RSPO3: variants seen among roughly 807,000 people sequenced by gnomAD.
The protein encoded by RSPO3 is R-spondin 3, also known as R-spondin-3.
Under a neutral mutation model 36.5 loss-of-function variants are expected in RSPO3, and 17 were observed. That is an observed-to-expected ratio of 0.47 (90% confidence interval 0.32 to 0.70). The LOEUF (loss-of-function observed/expected upper bound fraction) is 0.70, where lower values mean the gene tolerates loss of function less well. RSPO3 is among the 30% of genes least tolerant of loss of function. The probability of loss-of-function intolerance (pLI) is 0.04; values close to 1 mark genes in which losing one functional copy is unlikely to be tolerated. For synonymous variants in RSPO3, 108 were observed against 107.0 expected, an observed-to-expected ratio of 1.01 and a Z score of -0.06; for missense variants, 294 against 322.5, an observed-to-expected ratio of 0.91 and a Z score of 0.68.
chr6:127,180,487 C>CAAAAAAAAAAAAA (rs71543112), intron 4 of RSPO3, among the ~76,000 whole-genome samples: 19 of 42,642 alleles, frequency 4.5e-4, no homozygotes, highest in Non-Finnish European at 5.5e-4. Context: ...TGGAAGAAAA[C>CAAAAAAAAAAAAA]AAAAAAAAAA....
chr6:127,140,874 G>C (rs574040677), intron 1 of RSPO3, among the ~76,000 whole-genome samples: 5 of 152,210 alleles, frequency 3.3e-5, no homozygotes, highest in African/African-American at 1.2e-4. Flanking sequence ...TGCTCTACCT[G>C]AAATACTCTT....
intron 1 of RSPO3, among the ~76,000 whole-genome samples, chr6:127,120,501 G>A (rs1773821098): frequency 6.6e-6 from 1 of 152,216 alleles, no homozygotes; most frequent in Non-Finnish European, 1.5e-5. Context: ...TTTCCCAAGG[G>A]GATCCCTCTC....
intron 4 of RSPO3, among the ~76,000 whole-genome samples, chr6:127,188,339 A>G (rs2114264236): frequency 6.6e-6 from 1 of 152,316 alleles, no homozygotes; most frequent in East Asian, 1.9e-4. Flanking sequence ...ACATTCTAAA[A>G]AGTTGTGATT....
chr6:127,144,640 C>CTTGTTTTTTTTTTTTTT (rs1554220615), intron 1 of RSPO3, among the ~76,000 whole-genome samples: 2 of 61,330 alleles, frequency 3.3e-5, no homozygotes, highest in African/African-American at 1.3e-4. Context: ...GTAGCTTCCC[C>CTTGTTTTTTTTTTTTTT]TTGTTTTTTT....
intron 4 of RSPO3, among the ~76,000 whole-genome samples, chr6:127,166,631 T>C (rs184984967): frequency 6.6e-6 from 1 of 152,142 alleles, no homozygotes; most frequent in East Asian, 1.9e-4. Flanking sequence ...AAGCACTCAA[T>C]AATTGTGAGA....
chr6:127,186,701 T>C (rs1355142420), intron 4 of RSPO3, among the ~76,000 whole-genome samples: 3 of 152,136 alleles, frequency 2.0e-5, no homozygotes, highest in Non-Finnish European at 4.4e-5. Flanking sequence ...TTAAATAACA[T>C]TGTTACATTT....
In RSPO3 at chr6:127,119,301, G is replaced by A; in HGVS notation, c.97+12G>A. 3 of 1,602,772 alleles carry A rather than the reference G, an allele frequency of 1.9e-6. No individual in the cohort carries two copies. The highest frequency in any genetic ancestry group is 1.7e-6 in the Non-Finnish European group (2 of 1,170,556). Reference sequence around the variant, plus strand: ...GCGCCAGCGAAGAAGTAAGTGCAGGGTTTTTTACGCGTTTGCTCCCTCCCG... The same window carrying A: ...GCGCCAGCGAAGAAGTAAGTGCAGGATTTTTTACGCGTTTGCTCCCTCCCG... On this transcript the variant is annotated intron_variant, in intron 1 of 4. Transcript: ENST00000356698.
At chr6:127,172,222 A>C (rs1424088690) in intron 4 of RSPO3, among the ~76,000 whole-genome samples, 1 of 129,632 alleles carries the variant, frequency 7.7e-6, no homozygotes, top group Non-Finnish European at 1.7e-5. Context: ...AAATATATAT[A>C]TATAATATAT....
intron 4 of RSPO3, among the ~76,000 whole-genome samples, chr6:127,178,349 T>G (rs1034684583): frequency 6.6e-6 from 1 of 151,836 alleles, no homozygotes; most frequent in South Asian, 2.1e-4. Context: ...ATTATAAAAA[T>G]AGAAGTCAGG....
intron 3 of RSPO3, among the ~76,000 whole-genome samples, chr6:127,154,107 A>C (rs1439183277): frequency 6.6e-6 from 1 of 152,282 alleles, no homozygotes; most frequent in African/African-American, 2.4e-5. Flanking sequence ...AATGTATAAT[A>C]AATGGATTTA....
chr6:127,127,495 TATG>T (rs1410965089), intron 1 of RSPO3, among the ~76,000 whole-genome samples: 1 of 152,284 alleles, frequency 6.6e-6, no homozygotes, highest in African/African-American at 2.4e-5. Context: ...AAGTGAGTAT[TATG>T]ATAATAGTTA....
chr6:127,125,396 G>A (rs1467061116), intron 1 of RSPO3, among the ~76,000 whole-genome samples: 1 of 152,158 alleles, frequency 6.6e-6, no homozygotes, highest in Admixed American at 6.5e-5. Flanking sequence ...AAAGACCTGG[G>A]TTCCAGATCC....
At chr6:127,128,209 C>T (rs1562239797) in intron 1 of RSPO3, among the ~76,000 whole-genome samples, 1 of 152,020 alleles carries the variant, frequency 6.6e-6, no homozygotes, top group African/African-American at 2.4e-5. Flanking sequence ...ATCTTTATGG[C>T]ACTTCATAAA....
At chr6:127,180,381 C>CACTACATAGTTAACTATAATT (rs1775156276) in intron 4 of RSPO3, among the ~76,000 whole-genome samples, 1 of 149,648 alleles carries the variant, frequency 6.7e-6, no homozygotes, top group Non-Finnish European at 1.5e-5. Flanking sequence ...AGTACAGGCA[C>CACTACATAGTTAACTATAATT]TGGGCAGATT....
rs2114285852 is a variant in RSPO3 at position 127,196,219 on chromosome 6, G to C, written c.*212G>C. The stretch of plus-strand genomic sequence containing the variant: ...AGGGATACTTTCAGATGGTTGTCTT[G>C]TGTGCTTCTCTGCATTTTTAAAAGA... On this transcript the variant is annotated 3_prime_UTR_variant, in exon 5 of 5. Coordinates refer to ENST00000356698, the MANE Select transcript of RSPO3 (RefSeq NM_032784.5). The C allele has an allele frequency of 2.9e-6, 1 of 345,752 alleles. No homozygotes were observed. Among genetic ancestry groups the C allele is most frequent in the South Asian group, 1.3e-4 (1 of 7,414 alleles). 21.4% of individuals were successfully genotyped at this position (345,752 alleles called of 1,614,324 possible). A position where few individuals can be genotyped will look rare whatever the true frequency, so the allele number is the denominator to read the frequency against.
At chr6:127,141,196 C>G (rs2114567277) in intron 1 of RSPO3, among the ~76,000 whole-genome samples, 1 of 152,302 alleles carries the variant, frequency 6.6e-6, no homozygotes, top group East Asian at 1.9e-4. Flanking sequence ...ATAGTTTCCA[C>G]AGTGTATCCA....
At chr6:127,161,091 T>C (rs1050837241) in intron 4 of RSPO3, among the ~76,000 whole-genome samples, 1 of 152,118 alleles carries the variant, frequency 6.6e-6, no homozygotes, top group African/African-American at 2.4e-5. Context: ...TCCATGTAGG[T>C]GAAAACATTT....
At chr6:127,148,111 A>G (rs1774423133) in intron 1 of RSPO3, among the ~76,000 whole-genome samples, 5 of 152,142 alleles carry the variant, frequency 3.3e-5, no homozygotes. Flanking sequence ...AGTTCAAAAC[A>G]GATATAAAAC....
intron 1 of RSPO3, among the ~76,000 whole-genome samples, chr6:127,132,153 G>T (rs1349342512): frequency 6.6e-6 from 1 of 151,866 alleles, no homozygotes; most frequent in African/African-American, 2.4e-5. Flanking sequence ...TAATTTTGCA[G>T]GATTCATTCT....
Sources: allele counts gnomAD v4.1 joint callset (sites outside exome capture counted in the v4.1 genomes callset), GRCh38; gene constraint gnomAD v4.1.1; transcripts MANE v1.5; gene names NCBI Gene and HGNC (gene_info 2026-07-23, HGNC 2026-07-21).